The following EIF4G3 variants were observed in gnomAD, a reference collection of about 807,000 sequenced individuals.
EIF4G3 encodes eIF-4-gamma 3.
EIF4G3 carries 34 observed loss-of-function variants against 186.4 expected under a neutral mutation model. The observed-to-expected ratio is 0.18, with a 90% confidence interval of 0.14 to 0.24. The LOEUF is 0.24. Among genes scored for constraint, EIF4G3 ranks in the 10% least tolerant of loss-of-function variants. EIF4G3 has a pLI of 1.00. For missense variants in EIF4G3, 1,536 were observed against 1,948.5 expected (o/e 0.79, Z 3.99); for synonymous variants, 673 against 679.5 (o/e 0.99, Z 0.15).
intron 34 of EIF4G3, among the ~76,000 whole-genome samples, chr1:20,816,180 T>G (rs1347799896): frequency 3.5e-5 from 3 of 84,744 alleles, no homozygotes; most frequent in Admixed American, 1.1e-4. Context: ...TACTGGGAAG[T>G]GAGGAGCGCC....
At chr1:21,090,604 TA>T (rs1039045736) in intron 2 of EIF4G3, among the ~76,000 whole-genome samples, 4 of 152,162 alleles carry the variant, frequency 2.6e-5, no homozygotes, top group Non-Finnish European at 5.9e-5. Flanking sequence ...AGTACCTCCT[TA>T]AAAGGTGGAT....
Position 20,972,983 on chromosome 1 carries a change from AG to A in EIF4G3, c.591+18del, listed in dbSNP as rs1440182014. ...AGATTTTAGATTTAAAATAAGAAAA[AG>A]TAATAAAAATCTCTTACAGTTTTTT... is the stretch of plus-strand genomic sequence containing the variant. On this transcript the variant is annotated intron_variant, in intron 11 of 36. Coordinates refer to ENST00000602326, the MANE Select transcript of EIF4G3 (RefSeq NM_001391906.1). 1.3e-6 allele frequency: 2 copies of A among 1,564,650 alleles called. No homozygotes were observed. Among genetic ancestry groups the A allele is most frequent in the African/African-American group, 2.8e-5 (2 of 72,084 alleles).
At chr1:21,082,044 C>T (rs1438170596) in intron 3 of EIF4G3, among the ~76,000 whole-genome samples, 3 of 151,484 alleles carry the variant, frequency 2.0e-5, no homozygotes, top group Non-Finnish European at 2.9e-5. Flanking sequence ...CTTCCCACCA[C>T]CTTGGCCTCC....
chr1:20,847,448 C>T (rs553645436), intron 29 of EIF4G3, among the ~76,000 whole-genome samples: 1 of 152,256 alleles, frequency 6.6e-6, no homozygotes, highest in South Asian at 2.1e-4. Flanking sequence ...TTAGGTGTTA[C>T]TAAGGTCTTT....
At chr1:20,911,929 T>G (rs568384039) in intron 14 of EIF4G3, among the ~76,000 whole-genome samples, 2 of 151,920 alleles carry the variant, frequency 1.3e-5, no homozygotes, top group Non-Finnish European at 2.9e-5. Flanking sequence ...ACTCTGTCAC[T>G]TAAAAAAATA....
chr1:21,005,527 G>T (rs1018861064), intron 4 of EIF4G3, among the ~76,000 whole-genome samples: 15 of 152,020 alleles, frequency 9.9e-5, no homozygotes, highest in Admixed American at 3.9e-4. Context: ...AAATAGAAAG[G>T]GAATCCACTG....
chr1:20,844,394 A>T (rs371009059), intron 29 of EIF4G3, among the ~76,000 whole-genome samples: 5 of 152,284 alleles, frequency 3.3e-5, no homozygotes, highest in Admixed American at 1.3e-4. Flanking sequence ...TTTCTCTAAT[A>T]ATCAGTGATA....
intron 4 of EIF4G3, among the ~76,000 whole-genome samples, chr1:21,015,008 C>A (rs1336350374): frequency 2.7e-5 from 4 of 148,394 alleles, no homozygotes; most frequent in African/African-American, 1.0e-4. Flanking sequence ...GGAGGAGAGA[C>A]CTAAATGAAA....
Position 20,807,096 on chromosome 1 carries a change from G to A in EIF4G3, c.*223C>T, listed in dbSNP as rs1426407053. 2.9e-6 allele frequency: 1 copy of A among 343,044 alleles called. No individual in the cohort carries two copies. The highest frequency in any genetic ancestry group is 5.2e-6 in the Non-Finnish European group (1 of 192,964). 21.3% of individuals were successfully genotyped at this position (343,044 alleles called of 1,614,324 possible). On this transcript the variant is annotated 3_prime_UTR_variant, in exon 37 of 37. Transcript: ENST00000602326. ...AAAATATTTTCTATAAATAATACAT[G>A]TATTTTGGTTTTAGTGCTCCCGCCC...
At chr1:21,078,917 G>A (rs780863077) in intron 3 of EIF4G3, among the ~76,000 whole-genome samples, 20 of 152,096 alleles carry the variant, frequency 1.3e-4, no homozygotes, top group Non-Finnish European at 2.9e-4. Context: ...CCCAGGAGGC[G>A]GAGGCTGCAG....
intron 30 of EIF4G3, among the ~76,000 whole-genome samples, chr1:20,830,422 C>T (rs1001305539): frequency 2.6e-5 from 4 of 152,172 alleles, no homozygotes; most frequent in South Asian, 2.1e-4. Context: ...ATGCCGAGGA[C>T]GGTGTCTGTG....
At chr1:20,887,206 A>T (rs551029758) in intron 18 of EIF4G3, among the ~76,000 whole-genome samples, 11 of 148,380 alleles carry the variant, frequency 7.4e-5, no homozygotes, top group African/African-American at 2.7e-4. Flanking sequence ...TGCTGGGCAA[A>T]TACTGCCACC....
At chr1:20,994,064 C>A (rs1163983789) in intron 7 of EIF4G3, among the ~76,000 whole-genome samples, 1 of 152,180 alleles carries the variant, frequency 6.6e-6, no homozygotes, top group Non-Finnish European at 1.5e-5. Flanking sequence ...TGGAAATGTA[C>A]AGTGGTGGTT....
At chr1:21,127,513 T>C (rs1572957999) in intron 2 of EIF4G3, among the ~76,000 whole-genome samples, 1 of 152,356 alleles carries the variant, frequency 6.6e-6, no homozygotes, top group East Asian at 1.9e-4. Context: ...TATCCTCAGC[T>C]CTTAATGCAA....
chr1:20,965,578 TATG>T (rs1360480877), intron 12 of EIF4G3, among the ~76,000 whole-genome samples: 1 of 75,404 alleles, frequency 1.3e-5, no homozygotes, highest in Non-Finnish European at 3.5e-5. Context: ...TCACCTGAAA[TATG>T]ATAATAATAG....
chr1:20,825,774 C>T (rs2063459035), intron 32 of EIF4G3, among the ~76,000 whole-genome samples: 1 of 152,188 alleles, frequency 6.6e-6, no homozygotes, highest in Non-Finnish European at 1.5e-5. Context: ...AGCCATGCTG[C>T]CTGATACAAG....
chr1:21,000,034 A>G (rs528509626), intron 6 of EIF4G3, among the ~76,000 whole-genome samples: 11 of 152,142 alleles, frequency 7.2e-5, no homozygotes, highest in Non-Finnish European at 1.5e-4. Flanking sequence ...ACCACAAAAT[A>G]TAAAAATAAT....
At chr1:20,915,838 A>C (rs1313655792) in intron 14 of EIF4G3, among the ~76,000 whole-genome samples, 15 of 152,202 alleles carry the variant, frequency 9.9e-5, no homozygotes, top group Admixed American at 9.8e-4. Context: ...TCTATTCAAC[A>C]TTGTATTGAA....
rs565003713 is a variant in EIF4G3 at position 21,155,405 on chromosome 1, T to A, written c.-272+20770A>T. On this transcript the variant is annotated intron_variant, in intron 2 of 36. Transcript: ENST00000602326. Reference sequence around the variant, plus strand: ...AGGATAGTAATGGAGTTTATCATGCTCTGTTCAATTCCTGATTAGCATATT... The same window carrying A: ...AGGATAGTAATGGAGTTTATCATGCACTGTTCAATTCCTGATTAGCATATT... 4.9e-3 allele frequency among the ~76,000 whole-genome samples: 739 copies of A among 152,240 alleles called. 6 individuals carry two copies. Among genetic ancestry groups the A allele is most frequent in the African/African-American group, 0.017 (704 of 41,548 alleles).
Sources: gnomAD v4.1 joint callset for allele counts (sites outside exome capture counted in the v4.1 genomes callset) on GRCh38, gnomAD v4.1.1 for gene constraint, MANE v1.5 for transcripts, NCBI Gene and HGNC (gene_info 2026-07-23, HGNC 2026-07-21) for gene names.